Variants in YTHDC2 observed in about 807,000 individuals in gnomAD.
The protein encoded by YTHDC2 is YTH N6-methyladenosine RNA binding protein C2, also known as 3'-5' RNA helicase YTHDC2.
YTHDC2 carries 45 observed loss-of-function variants against 174.9 expected under a neutral mutation model. The observed-to-expected ratio is 0.26, with a 90% CI of 0.20 to 0.33. YTHDC2 has a LOEUF of 0.33. YTHDC2 is among the 10% of genes least tolerant of loss of function. YTHDC2 has a pLI of 1.00. For synonymous variants in YTHDC2, 657 were observed against 574.5 expected (o/e 1.14, Z -2.05); for missense variants, 1,650 against 1,723.7 (o/e 0.96, Z 0.76).
chr5:113,563,262 C>T, intron 18 of YTHDC2, 111 bp from the exon 19 acceptor site: 2 of 881,214 alleles, frequency 2.3e-6, no homozygotes, highest in Non-Finnish European at 1.6e-6. Flanking sequence ...TCATTCTAAT[C>T]AGAGACTCTA....
chr5:113,582,883 T>C (rs1580644289), intron 25 of YTHDC2: 1 of 152,210 alleles, frequency 6.6e-6, no homozygotes, highest in Non-Finnish European at 1.5e-5. Flanking sequence ...AAATGTGTGC[T>C]GAACCTTTCT....
At chr5:113,542,639 A>G in intron 10 of YTHDC2, 136 bp downstream of exon 10, 1 of 718,382 alleles carries the variant, frequency 1.4e-6, no homozygotes, top group East Asian at 3.0e-5. Context: ...TTTTATTTCA[A>G]ATGTACAAAT....
chr5:113,544,543 G>C (rs1352364702), intron 10 of YTHDC2, among the ~76,000 whole-genome samples: 2 of 152,130 alleles, frequency 1.3e-5, no homozygotes, highest in African/African-American at 4.8e-5. Context: ...TTTTGAATTT[G>C]AATTGTTTTA....
Position 113,593,152 on chromosome 5 carries a change from A to C in YTHDC2, c.4213-151A>C, listed in dbSNP as rs144671580. Reference sequence around the variant, plus strand: ...TCCATAAACCTTAAAGCAAAGAATTAGAACAATTCATACCAGATGATTTTA... The same window carrying C: ...TCCATAAACCTTAAAGCAAAGAATTCGAACAATTCATACCAGATGATTTTA... On this transcript the variant is annotated intron_variant, in intron 28 of 29. Transcript: ENST00000161863. 729 of 546,750 alleles carry C rather than the reference A, an allele frequency of 1.3e-3. 2 individuals carry two copies. The highest frequency in any genetic ancestry group is 8.8e-3 in the East Asian group (305 of 34,680). The allele number at this position is 546,750 out of a possible 1,614,324, so 33.9% of individuals were successfully genotyped here.
intron 25 of YTHDC2, 71 bp downstream of exon 25, chr5:113,581,780 A>G (rs1425359445): frequency 4.0e-6 from 5 of 1,243,748 alleles, no homozygotes; most frequent in Admixed American, 3.6e-5. Context: ...TCTTAGAATC[A>G]TGTGCTTTTA....
Position 113,554,039 on chromosome 5 carries a change from T to A in YTHDC2, c.2133+17T>A. 6.7e-7 allele frequency: 1 copy of A among 1,492,170 alleles called. No individual in the cohort carries two copies. The allele number at this position is 1,492,170 out of a possible 1,614,324, so 92.4% of individuals were successfully genotyped here. ...GTGAAAGAGGTATGTATGGGTAAGT[T>A]GTAGTTTTACTTAAATGAAGAAGAT... On this transcript the variant is annotated intron_variant, in intron 16 of 29. Transcript: ENST00000161863.
chr5:113,567,594 T>C, intron 22 of YTHDC2, 60 bp from the exon 23 acceptor site: 1 of 1,360,620 alleles, frequency 7.3e-7, no homozygotes, highest in Non-Finnish European at 1.0e-6. Flanking sequence ...TTTAAAAGTA[T>C]TTCCAATAAA....
At chr5:113,588,405 A>G (rs1179698895) in intron 26 of YTHDC2, among the ~76,000 whole-genome samples, 1 of 151,796 alleles carries the variant, frequency 6.6e-6, no homozygotes, top group Non-Finnish European at 1.5e-5. Context: ...TAAATGAGGG[A>G]TCTTTGTTCA....
chr5:113,561,957 G>GGTGTGTGTGTGTGTGTGTGTGTGTGTGT (rs70973686), intron 18 of YTHDC2, among the ~76,000 whole-genome samples: 4 of 134,872 alleles, frequency 3.0e-5, no homozygotes, highest in Non-Finnish European at 3.1e-5. Context: ...ATTAATTGTG[G>GGTGTGTGTGTGTGTGTGTGTGTGTGTGT]GTGTGTGTGT....
chr5:113,525,097 A>T lies in YTHDC2; in HGVS notation c.395A>T (p.Gln132Leu). 6.2e-7 allele frequency: 1 copy of T among 1,612,522 alleles called. No homozygotes were observed. The highest frequency in any genetic ancestry group is 8.5e-7 in the Non-Finnish European group (1 of 1,179,178). The change falls in exon 3 of 30, where the codon CAA (glutamine) becomes CTA (leucine). Residue 132 changes from glutamine (Q) to leucine (L), a missense_variant. Physicochemically the swap from Gln to Leu is moderately radical, Grantham distance 113 (BLOSUM62 -2). Transcript: ENST00000161863. Reference protein sequence around the residue: ...NTKHAVRSLIQRFPVTNKERT... With the variant: ...NTKHAVRSLILRFPVTNKERT... ...AAACATGCTGTTAGGAGCCTAATTC[A>T]AAGATTTCCTGTCACCAATAAAGAG... is the stretch of plus-strand genomic sequence containing the variant.
At chr5:113,564,746 T>G (rs1481291190) in intron 20 of YTHDC2, among the ~76,000 whole-genome samples, 1 of 152,242 alleles carries the variant, frequency 6.6e-6, no homozygotes, top group East Asian at 1.9e-4. Context: ...GAAGAATATG[T>G]TATTTCTTGA....
Position 113,534,384 on chromosome 5 carries a change from T to G in YTHDC2, c.922T>G (p.Ser308Ala), listed in dbSNP as rs1774909935. ...ATTGATGGCAGGAGATAGTACGTTG[T>G]CGACTGTGACACATGTTATCGTGGT... is the stretch of plus-strand genomic sequence containing the variant. ...RTLMAGDSTL[S>A]TVTHVIVDEV... The change falls in exon 6 of 30, where the codon TCG (serine) becomes GCG (alanine). Residue 308 changes from serine (S) to alanine (A), a missense_variant. Coordinates refer to ENST00000161863, the MANE Select transcript of YTHDC2 (RefSeq NM_022828.5). 6.2e-7 allele frequency: 1 copy of G among 1,612,388 alleles called. No individual in the cohort carries two copies. Among genetic ancestry groups the G allele is most frequent in the Non-Finnish European group, 8.5e-7 (1 of 1,178,846 alleles).
intron 12 of YTHDC2, among the ~76,000 whole-genome samples, chr5:113,550,253 G>T (rs997711130): frequency 2.6e-5 from 4 of 151,840 alleles, no homozygotes; most frequent in African/African-American, 7.3e-5. Flanking sequence ...AGAAGATGTG[G>T]GGCTCTAGAG....
intron 23 of YTHDC2, among the ~76,000 whole-genome samples, chr5:113,572,387 A>G (rs533875901): frequency 6.6e-6 from 1 of 152,226 alleles, no homozygotes; most frequent in African/African-American, 2.4e-5. Context: ...ACTTCCAGTT[A>G]TGTGATCAAT....
intron 8 of YTHDC2, among the ~76,000 whole-genome samples, chr5:113,539,887 C>T (rs567669642): frequency 9.0e-4 from 136 of 151,322 alleles, no homozygotes; most frequent in Non-Finnish European, 1.8e-3. Context: ...GATCTTGAAA[C>T]TTAAAAAAAA....
rs1404375511 is a variant in YTHDC2 at position 113,545,893 on chromosome 5, A to G, written c.1496-2648A>G. On this transcript the variant is annotated intron_variant, in intron 10 of 29. Coordinates refer to ENST00000161863, the MANE Select transcript of YTHDC2 (RefSeq NM_022828.5). ...GTAGCTGGGACTACAGGCGCCCGCC[A>G]CTACGCCCGGCTAATTTTTTGTATT... 5.2e-4 allele frequency among the ~76,000 whole-genome samples: 51 copies of G among 97,624 alleles called. 12 individuals carry two copies. Among genetic ancestry groups the G allele is most frequent in the Admixed American group, 1.4e-3 (13 of 9,158 alleles). 64.0% of individuals were successfully genotyped at this position (97,624 alleles called of 152,430 possible). A position where few individuals can be genotyped will look rare whatever the true frequency, so the allele number is the denominator to read the frequency against.
chr5:113,568,347 C>T (rs1271094850), intron 23 of YTHDC2, among the ~76,000 whole-genome samples: 2 of 151,824 alleles, frequency 1.3e-5, no homozygotes, highest in Admixed American at 6.6e-5. Context: ...ATTGAAGTGG[C>T]ATAATGCATT....
At chr5:113,541,794 A>G (rs895325256) in intron 9 of YTHDC2, among the ~76,000 whole-genome samples, 1 of 152,002 alleles carries the variant, frequency 6.6e-6, no homozygotes, top group Non-Finnish European at 1.5e-5. Flanking sequence ...TATATATATA[A>G]TGATATATAT....
chr5:113,517,601 G>C (rs1183472737), intron 2 of YTHDC2: 1 of 456,270 alleles, frequency 2.2e-6, no homozygotes, highest in Non-Finnish European at 4.4e-6. Context: ...GATGCTAAGG[G>C]AAGCAAGGCA....
Sources: gnomAD v4.1 joint callset for allele counts (sites outside exome capture counted in the v4.1 genomes callset) on GRCh38, gnomAD v4.1.1 for gene constraint, MANE v1.5 for transcripts, NCBI Gene and HGNC (gene_info 2026-07-23, HGNC 2026-07-21) for gene names.